The following PHIP variants were observed in gnomAD, a reference collection of about 807,000 sequenced individuals.
PHIP encodes the protein PHIP subunit of CUL4-Ring ligase complex.
Under a neutral mutation model 236.8 loss-of-function variants are expected in PHIP, and 54 were observed. That is an observed-to-expected ratio of 0.23 (90% CI 0.18 to 0.29). The LOEUF (loss-of-function observed/expected upper bound fraction) is 0.29. PHIP is among the 10% of genes least tolerant of loss of function. The pLI is 1.00. For missense variants in PHIP, 1,370 were observed against 2,190.8 expected (o/e 0.63, Z 7.48); for synonymous variants, 756 against 718.9 (o/e 1.05, Z -0.83).
rs572227556 is a variant in PHIP at position 79,042,284 on chromosome 6, A to G, written c.600+559T>C. Reference sequence around the variant, plus strand: ...GAAACAATAACAAATAAACAAACCCAAAGAGGCTCTATAAACAAAACATCA... The same window carrying G: ...GAAACAATAACAAATAAACAAACCCGAAGAGGCTCTATAAACAAAACATCA... On this transcript the variant is annotated intron_variant, in intron 7 of 39. Transcript: ENST00000275034. Among the ~76,000 whole-genome samples, 10 of 152,136 alleles carry G rather than the reference A, an allele frequency of 6.6e-5. No homozygotes were observed. The South Asian group carries it at 2.1e-3, about 32-fold the overall frequency.
chr6:79,015,920 A>G (rs918510394), intron 13 of PHIP, 137 bp from the exon 14 acceptor site: 1 of 599,580 alleles, frequency 1.7e-6, no homozygotes, highest in Non-Finnish European at 2.8e-6. Context: ...GTTTGAATCA[A>G]CATGGAATGA....
In PHIP at chr6:78,955,651, A is replaced by G; in HGVS notation, c.3814T>C (p.Tyr1272His). 1.8e-6 allele frequency: 2 copies of G among 1,097,286 alleles called. No homozygotes were observed. Among genetic ancestry groups the G allele is most frequent in the East Asian group, 2.4e-5 (1 of 41,798 alleles). 68.0% of individuals were successfully genotyped at this position (1,097,286 alleles called of 1,614,324 possible). A position where few individuals can be genotyped will look rare whatever the true frequency, so the allele number is the denominator to read the frequency against. ...DQTCYNIIPL[Y>H]NSMKKKVLSD... is the part of the protein sequence containing the mutation. ...AAAACTTTCTTCTTCATTGAATTAT[A>G]AAGTGGAATTATGTTATAACAAGTC... Residue 1272 changes from tyrosine (Y) to histidine (H), a missense_variant, in exon 33 of 40, where the codon TAT (tyrosine) becomes CAT (histidine). Physicochemically the swap from Tyr to His is moderately conservative, Grantham distance 83. Transcript: ENST00000275034.
chr6:79,034,843 C>T (rs1172410593), intron 7 of PHIP, among the ~76,000 whole-genome samples: 1 of 151,984 alleles, frequency 6.6e-6, no homozygotes, highest in Non-Finnish European at 1.5e-5. Context: ...GAAATCATGC[C>T]CCAAAGAGTT....
At chr6:79,024,662 G>A (rs1028586030) in intron 9 of PHIP, among the ~76,000 whole-genome samples, 5 of 152,142 alleles carry the variant, frequency 3.3e-5, no homozygotes, top group South Asian at 2.1e-4. Context: ...AAACTTATAC[G>A]GGAGTGGTGG....
chr6:79,030,912 T>C (rs943788391), intron 7 of PHIP, among the ~76,000 whole-genome samples: 1 of 152,146 alleles, frequency 6.6e-6, no homozygotes, highest in East Asian at 1.9e-4. Context: ...GTAAATCACT[T>C]GTTTCATTTT....
intron 14 of PHIP, 118 bp from the exon 15 acceptor site, chr6:79,015,334 T>C: frequency 4.8e-6 from 4 of 841,892 alleles, no homozygotes; most frequent in Non-Finnish European, 7.4e-6. Flanking sequence ...AGTATTAAAT[T>C]GGCAAAAATC....
chr6:78,989,220 C>A lies in PHIP; in HGVS notation c.2320-871G>T, dbSNP rs115231562. 1.2e-3 allele frequency among the ~76,000 whole-genome samples: 187 copies of A among 152,252 alleles called. 1 individual carries two copies. Among genetic ancestry groups the A allele is most frequent in the African/African-American group, 4.4e-3 (181 of 41,526 alleles). The stretch of plus-strand genomic sequence containing the variant: ...CTGCTTTGGGGTCAGGAGTTTAAGA[C>A]TGGCCAGGGCAATGGCAATACCCTG... On this transcript the variant is annotated intron_variant, in intron 20 of 39. Transcript: ENST00000275034.
At position 79,038,965 on chromosome 6, in the gene PHIP, T is replaced by A. The variant is rs112241528; in HGVS notation, c.600+3878A>T. On this transcript the variant is annotated intron_variant, in intron 7 of 39. Transcript: ENST00000275034. ...ATCTCACTCCCTACATACAAATCAG[T>A]CTCTCGAGTCTTACAAATCCTATTT... Among the ~76,000 whole-genome samples, 761 of 152,250 alleles carry A rather than the reference T, an allele frequency of 5.0e-3. 4 individuals carry two copies. The highest frequency in any genetic ancestry group is 7.4e-3 in the Non-Finnish European group (501 of 67,996).
intron 21 of PHIP, among the ~76,000 whole-genome samples, chr6:78,986,247 C>T (rs1768861266): frequency 6.6e-6 from 1 of 152,150 alleles, no homozygotes; most frequent in African/African-American, 2.4e-5. Context: ...TACTTAAACA[C>T]TCTGTTTCTC....
chr6:78,979,947 C>T (rs1768399987), intron 23 of PHIP, among the ~76,000 whole-genome samples: 1 of 151,942 alleles, frequency 6.6e-6, no homozygotes, highest in African/African-American at 2.4e-5. Flanking sequence ...TTAGCCACAG[C>T]CACACTGAGT....
intron 4 of PHIP, among the ~76,000 whole-genome samples, chr6:79,075,807 T>C (rs1250282782): frequency 6.6e-6 from 1 of 152,118 alleles, no homozygotes; most frequent in African/African-American, 2.4e-5. Flanking sequence ...GATGCACAGA[T>C]GTAAAAGCAG....
rs117125549 is a variant in PHIP, at chr6:79,077,938, G to A, written c.41-25C>T. The A allele has an allele frequency of 0.11, 171,234 of 1,589,400 alleles. 9,577 individuals carry two copies. Among genetic ancestry groups the A allele is most frequent in the Middle Eastern group, 0.15 (751 of 4,962 alleles). ...TCTGCGCGGGAGAGAGGGACGGGGA[G>A]ACACACAGGCTGAGCGGTCGGGCGG... is the stretch of plus-strand genomic sequence containing the variant. On this transcript the variant is annotated intron_variant, in intron 1 of 39. Coordinates refer to ENST00000275034, the MANE Select transcript of PHIP (RefSeq NM_017934.7).
chr6:78,945,533 T>A, intron 38 of PHIP, 36 bp from the exon 39 acceptor site: 1 of 1,270,918 alleles, frequency 7.9e-7, no homozygotes, highest in Non-Finnish European at 1.1e-6. Flanking sequence ...AATTAAGAGT[T>A]ATTGAACCTA....
intron 18 of PHIP, 148 bp downstream of exon 18, chr6:78,998,106 A>T: frequency 1.6e-6 from 1 of 622,574 alleles, no homozygotes; most frequent in Non-Finnish European, 2.8e-6. Flanking sequence ...TTAGGTCATT[A>T]AATATTCTTC....
intron 7 of PHIP, among the ~76,000 whole-genome samples, chr6:79,027,651 G>A (rs1771474044): frequency 6.6e-6 from 1 of 152,124 alleles, no homozygotes; most frequent in African/African-American, 2.4e-5. Context: ...TATTATATAG[G>A]ACATATAAAC....
Position 78,941,379 on chromosome 6 carries a change from T to C in PHIP, c.4829-49A>G, listed in dbSNP as rs200296980. 3.7e-4 allele frequency: 533 copies of C among 1,428,708 alleles called. 3 individuals carry two copies. In the African/African-American group the frequency reaches 5.8e-3, roughly 15 times the overall value. The allele number at this position is 1,428,708 out of a possible 1,614,324, so 88.5% of individuals were successfully genotyped here. A position where few individuals can be genotyped will look rare whatever the true frequency, so the allele number is the denominator to read the frequency against. On this transcript the variant is annotated intron_variant, in intron 39 of 39. Transcript: ENST00000275034. ...TAATATATGGAGTTTCTTTTTTTGTTTGACTCTCAAACTTGTCAGTAAGGC... is the reference window on the plus strand; with the variant it reads ...TAATATATGGAGTTTCTTTTTTTGTCTGACTCTCAAACTTGTCAGTAAGGC...
At chr6:79,057,948 A>C (rs1366032297) in intron 6 of PHIP, among the ~76,000 whole-genome samples, 2 of 152,110 alleles carry the variant, frequency 1.3e-5, no homozygotes, top group Admixed American at 1.3e-4. Context: ...CAAAACACAG[A>C]CACTAACCTA....
chr6:78,950,558 T>C (rs1774085824), intron 35 of PHIP, among the ~76,000 whole-genome samples: 1 of 152,124 alleles, frequency 6.6e-6, no homozygotes, highest in African/African-American at 2.4e-5. Flanking sequence ...ACTGGGTGAG[T>C]TGTGGTAGTT....
At chr6:78,959,713 T>C (rs1268086958) in intron 31 of PHIP, among the ~76,000 whole-genome samples, 2 of 152,168 alleles carry the variant, frequency 1.3e-5, no homozygotes, top group Non-Finnish European at 1.5e-5. Flanking sequence ...AGTATTGTCT[T>C]TCAAATGTTT....
Sources: allele counts gnomAD v4.1 joint callset (sites outside exome capture counted in the v4.1 genomes callset), GRCh38; gene constraint gnomAD v4.1.1; transcripts MANE v1.5; gene names NCBI Gene and HGNC (gene_info 2026-07-23, HGNC 2026-07-21).